The following DCP1A variants were observed in gnomAD, a reference collection of about 807,000 sequenced individuals.
DCP1A encodes mRNA-decapping enzyme 1A.
In DCP1A, 20 loss-of-function variants were observed where a neutral mutation model predicts 58.0. That is an observed-to-expected ratio of 0.34 (90% CI 0.24 to 0.50). The LOEUF is 0.50. Among genes scored for constraint, DCP1A ranks in the 20% least tolerant of loss-of-function variants. DCP1A has a pLI of 0.98. For synonymous variants in DCP1A, 285 were observed against 275.1 expected (o/e 1.04, Z -0.36); for missense variants, 613 against 712.2 (o/e 0.86, Z 1.59).
chr3:53,332,063 G>A (rs1226893313), intron 3 of DCP1A, among the ~76,000 whole-genome samples: 1 of 152,218 alleles, frequency 6.6e-6, no homozygotes, highest in Non-Finnish European at 1.5e-5. Context: ...TCACCACCTT[G>A]CTGAGGGAAT....
intron 2 of DCP1A, among the ~76,000 whole-genome samples, chr3:53,342,841 T>A (rs1264454395): frequency 6.6e-6 from 1 of 152,228 alleles, no homozygotes; most frequent in Non-Finnish European, 1.5e-5. Flanking sequence ...CAAATGGAGC[T>A]TTTGTCTTAC....
chr3:53,291,978 A>G, intron 7 of DCP1A, 91 bp downstream of exon 7: 1 of 1,362,412 alleles, frequency 7.3e-7, no homozygotes. Context: ...AAAAATTGTC[A>G]TGTCATGACA....
At chr3:53,336,705 G>A (rs933090789) in intron 3 of DCP1A, among the ~76,000 whole-genome samples, 4 of 151,946 alleles carry the variant, frequency 2.6e-5, no homozygotes, top group Non-Finnish European at 4.4e-5. Flanking sequence ...ATCACCAGCT[G>A]ATGATTAATT....
intron 2 of DCP1A, among the ~76,000 whole-genome samples, 168 bp from the exon 3 acceptor site, chr3:53,342,439 C>T (rs1553692644): frequency 6.6e-6 from 1 of 152,226 alleles, no homozygotes; most frequent in Non-Finnish European, 1.5e-5. Context: ...TCATACTCCT[C>T]CTCTGACGAG....
At chr3:53,294,715 C>T (rs572595945) in intron 6 of DCP1A, among the ~76,000 whole-genome samples, 43 of 152,156 alleles carry the variant, frequency 2.8e-4, no homozygotes, top group Non-Finnish European at 5.0e-4. Context: ...AGCTGTGTGG[C>T]CTGAGGAGTG....
At chr3:53,304,773 C>G (rs1010222921) in intron 5 of DCP1A, among the ~76,000 whole-genome samples, 15 of 151,284 alleles carry the variant, frequency 9.9e-5, no homozygotes, top group African/African-American at 3.6e-4. Context: ...TTAGTAGAGA[C>G]AGGGTTTCAG....
intron 3 of DCP1A, among the ~76,000 whole-genome samples, chr3:53,325,229 T>A (rs781851492): frequency 7.2e-5 from 11 of 152,184 alleles, no homozygotes; most frequent in Non-Finnish European, 1.2e-4. Context: ...CCAAATTAAT[T>A]TGGTATCTTC....
At chr3:53,342,656 G>A (rs1196284692) in intron 2 of DCP1A, among the ~76,000 whole-genome samples, 1 of 152,172 alleles carries the variant, frequency 6.6e-6, no homozygotes, top group Non-Finnish European at 1.5e-5. Flanking sequence ...CCCAGAAGCT[G>A]CACAGCTATC....
At chr3:53,294,278 C>A (rs1553686547) in intron 6 of DCP1A, among the ~76,000 whole-genome samples, 1 of 152,124 alleles carries the variant, frequency 6.6e-6, no homozygotes, top group African/African-American at 2.4e-5. Context: ...TGAGGAGAGT[C>A]TGGACTAAGA....
intron 2 of DCP1A, 119 bp downstream of exon 2, chr3:53,344,783 G>C: frequency 1.5e-6 from 1 of 652,802 alleles, no homozygotes; most frequent in Non-Finnish European, 2.6e-6. Context: ...AGGGAAAGAT[G>C]AAAACTTGAA....
intron 4 of DCP1A, among the ~76,000 whole-genome samples, chr3:53,313,649 GCA>G (rs1707714811): frequency 6.6e-6 from 1 of 151,562 alleles, no homozygotes; most frequent in East Asian, 1.9e-4. Flanking sequence ...TTCAGGCCAG[GCA>G]CAGTGCTCAT....
At chr3:53,312,208 C>T (rs782108884) in intron 5 of DCP1A, 33 bp downstream of exon 5, 2 of 1,545,068 alleles carry the variant, frequency 1.3e-6, no homozygotes, top group Admixed American at 2.0e-5. Context: ...TTGGTCTTCC[C>T]TGGTCAGCAC....
In DCP1A at chr3:53,283,863, C is replaced by T. The variant is rs572312347; in HGVS notation, c.*3717G>A. ...TTAAATGAAGGTGTCAAATACAAAA[C>T]GGAGGGAATCACTGCACACATCTGT... On this transcript the variant is annotated 3_prime_UTR_variant, in exon 10 of 10. Coordinates refer to ENST00000610213, the MANE Select transcript of DCP1A (RefSeq NM_018403.7). The T allele has an allele frequency of 6.6e-6, 1 of 152,134 alleles. No homozygotes were observed. The highest frequency in any genetic ancestry group is 6.5e-5 in the Admixed American group (1 of 15,268). The allele number at this position is 152,134 out of a possible 1,614,324, so 9.4% of individuals were successfully genotyped here.
chr3:53,298,970 A>C (rs1287497948), intron 6 of DCP1A, among the ~76,000 whole-genome samples: 1 of 152,254 alleles, frequency 6.6e-6, no homozygotes, highest in Non-Finnish European at 1.5e-5. Flanking sequence ...CCTAGAAGCC[A>C]TAGGCTATCC....
At chr3:53,321,893 T>C (rs1553690017) in intron 3 of DCP1A, among the ~76,000 whole-genome samples, 1 of 152,120 alleles carries the variant, frequency 6.6e-6, no homozygotes, top group Non-Finnish European at 1.5e-5. Flanking sequence ...AAGTGACACA[T>C]AAAAGAAGAA....
intron 4 of DCP1A, 34 bp downstream of exon 4, chr3:53,319,373 A>T: frequency 3.0e-6 from 4 of 1,320,992 alleles, no homozygotes; most frequent in Non-Finnish European, 4.2e-6. Flanking sequence ...TTTCTCACAT[A>T]TCATCAGTTA....
chr3:53,301,277 T>TC, intron 6 of DCP1A, among the ~76,000 whole-genome samples: 1 of 151,680 alleles, frequency 6.6e-6, no homozygotes, highest in Admixed American at 6.6e-5. Context: ...GTGGTTTCTT[T>TC]CTTTTTTTTT....
chr3:53,292,262 T>C lies in DCP1A; in HGVS notation c.1190A>G (p.Lys397Arg). Residue 397 changes from lysine to arginine, a missense_variant, in exon 7 of 10, where the codon AAA (lysine) becomes AGA (arginine). By Grantham distance (26) the Lys-to-Arg change is conservative. Around this residue, in one of 3 missense-constraint regions of DCP1A, gnomAD observed 498 missense variants for 556.7 expected, o/e 0.89. Coordinates refer to ENST00000610213, the MANE Select transcript of DCP1A (RefSeq NM_018403.7). ...TSLPSVDLLQ[K>R]LRLTPQHDQI... ...GTCATGCTGTGGGGTCAACCTGAGT[T>C]TCTGGAGAAGATCAACGCTTGGGAG... is the stretch of plus-strand genomic sequence containing the variant. The C allele has an allele frequency of 6.2e-7, 1 of 1,613,932 alleles. No individual in the cohort carries two copies. The highest frequency in any genetic ancestry group is 8.5e-7 in the Non-Finnish European group (1 of 1,179,876).
At chr3:53,323,774 A>G (rs957286519) in intron 3 of DCP1A, among the ~76,000 whole-genome samples, 1 of 149,346 alleles carries the variant, frequency 6.7e-6, no homozygotes, top group Non-Finnish European at 1.5e-5. Context: ...AGGAAGGGGA[A>G]TTGCTTAAAC....
Sources: gnomAD v4.1 joint callset for allele counts (sites outside exome capture counted in the v4.1 genomes callset) on GRCh38, gnomAD v4.1.1 for gene constraint, gnomAD v4.1.1 regional missense constraint, MANE v1.5 for transcripts, NCBI Gene and HGNC (gene_info 2026-07-23, HGNC 2026-07-21) for gene names.